ADAMTSL3: variants seen among roughly 807,000 people sequenced by gnomAD.
ADAMTSL3 encodes ADAMTS-like protein 3.
Under a neutral mutation model 201.7 loss-of-function variants are expected in ADAMTSL3, and 128 were observed. The observed-to-expected ratio is 0.63, with a 90% CI of 0.55 to 0.73. The LOEUF is 0.73. Among genes scored for constraint, ADAMTSL3 ranks in the 30% least tolerant of loss-of-function variants. The pLI, the probability that ADAMTSL3 is intolerant of heterozygous loss-of-function variation, is 0.00. For missense variants in ADAMTSL3, 1,990 were observed against 2,119.6 expected (o/e 0.94, Z 1.20); for synonymous variants, 738 against 748.4 (o/e 0.99, Z 0.23).
intron 7 of ADAMTSL3, 137 bp from the exon 8 acceptor site, chr15:83,858,629 T>C: frequency 1.6e-6 from 1 of 635,498 alleles, no homozygotes; most frequent in African/African-American, 1.9e-5. Context: ...TGCCTTGGCC[T>C]CCTGAAGTGC....
At chr15:83,978,859 C>A (rs897414908) in intron 20 of ADAMTSL3, among the ~76,000 whole-genome samples, 1 of 152,250 alleles carries the variant, frequency 6.6e-6, no homozygotes, top group East Asian at 1.9e-4. Context: ...CCACAGGGAG[C>A]AGCTGGGCTT....
intron 2 of ADAMTSL3, among the ~76,000 whole-genome samples, chr15:83,662,317 G>A (rs554404333): frequency 7.5e-4 from 106 of 140,598 alleles, no homozygotes; most frequent in African/African-American, 2.6e-3. Context: ...GTAAACTATC[G>A]CAAGAACAAA....
Position 83,654,591 on chromosome 15 carries a change from C to G in ADAMTSL3, c.-34+315C>G, listed in dbSNP as rs927191390. Among the ~76,000 whole-genome samples the G allele has an allele frequency of 6.6e-6, 1 of 152,134 alleles. No individual in the cohort carries two copies. The highest frequency in any genetic ancestry group is 1.5e-5 in the Non-Finnish European group (1 of 68,036). On this transcript the variant is annotated intron_variant, in intron 1 of 29. Coordinates refer to ENST00000286744, the MANE Select transcript of ADAMTSL3 (RefSeq NM_207517.3). This position sits in a 1 kb window ranked among gnomAD's most constrained non-coding sequence, Gnocchi z 5.3. ...TGGAGTTTTTCAGGATTGGGAGTTA[C>G]TAAGCAGAAACCTCGCGGGTCCGAA...
At chr15:83,672,994 T>TA (rs1212425053) in intron 2 of ADAMTSL3, among the ~76,000 whole-genome samples, 2 of 152,214 alleles carry the variant, frequency 1.3e-5, no homozygotes, top group African/African-American at 2.4e-5. Context: ...GTGGAGCACT[T>TA]ATGCTGCACC....
In ADAMTSL3 at chr15:83,731,728, A is replaced by G. The variant is rs976392312; in HGVS notation, c.189+27220A>G. ...CATATATATAACTATATTATTCTTT[A>G]TGAATTATTATGAATATTATTGAGC... On this transcript the variant is annotated intron_variant, in intron 3 of 29. Transcript: ENST00000286744. Among the ~76,000 whole-genome samples, 5 of 152,052 alleles carry G rather than the reference A, an allele frequency of 3.3e-5. 1 individual carries two copies. Among genetic ancestry groups the G allele is most frequent in the African/African-American group, 1.2e-4 (5 of 41,448 alleles).
chr15:83,762,009 G>A (rs1346455180), intron 3 of ADAMTSL3, among the ~76,000 whole-genome samples: 2 of 152,056 alleles, frequency 1.3e-5, no homozygotes, highest in Admixed American at 6.6e-5. Flanking sequence ...TGCAGGGCCC[G>A]TGGTTTCTTT....
chr15:83,713,077 C>G (rs1458990089), intron 3 of ADAMTSL3, among the ~76,000 whole-genome samples: 1 of 152,284 alleles, frequency 6.6e-6, no homozygotes, highest in East Asian at 1.9e-4. Context: ...GTGGCCTCTT[C>G]TATCAGTGTC....
chr15:83,677,320 A>G (rs1596010894), intron 2 of ADAMTSL3, among the ~76,000 whole-genome samples: 1 of 152,206 alleles, frequency 6.6e-6, no homozygotes, highest in South Asian at 2.1e-4. Flanking sequence ...TAGTTCTTCT[A>G]TAATCTTGCT....
chr15:83,920,571 G>C (rs1041002994), intron 16 of ADAMTSL3, among the ~76,000 whole-genome samples: 11 of 152,114 alleles, frequency 7.2e-5, no homozygotes, highest in Non-Finnish European at 1.5e-4. Context: ...AGTCAAACTA[G>C]CTAACAGCAG....
chr15:83,791,464 G>T (rs1030230658), intron 4 of ADAMTSL3, among the ~76,000 whole-genome samples: 8 of 152,146 alleles, frequency 5.3e-5, no homozygotes, highest in Non-Finnish European at 1.2e-4. Context: ...TTACAAAGGT[G>T]TCAAGAACAC....
chr15:83,714,887 T>TTCCC (rs2061992844), intron 3 of ADAMTSL3, among the ~76,000 whole-genome samples: 1 of 31,134 alleles, frequency 3.2e-5, no homozygotes, highest in Non-Finnish European at 4.9e-5. Flanking sequence ...CCTTCCTTCC[T>TTCCC]TCCTTCCTTC....
chr15:83,838,445 G>A (rs1242133143), intron 7 of ADAMTSL3, among the ~76,000 whole-genome samples: 1 of 152,074 alleles, frequency 6.6e-6, no homozygotes, highest in African/African-American at 2.4e-5. Context: ...GGGTATTACT[G>A]TTTTAAAAAA....
At chr15:83,865,764 A>G (rs1037561941) in intron 8 of ADAMTSL3, among the ~76,000 whole-genome samples, 10 of 152,276 alleles carry the variant, frequency 6.6e-5, no homozygotes, top group African/African-American at 2.2e-4. Context: ...TTGACAAATG[A>G]GATCTAATTA....
chr15:83,752,189 G>A (rs1383952500), intron 3 of ADAMTSL3, among the ~76,000 whole-genome samples: 1 of 152,086 alleles, frequency 6.6e-6, no homozygotes, highest in African/African-American at 2.4e-5. Flanking sequence ...AAGAGAAGAT[G>A]CTCTGTTTGG....
intron 17 of ADAMTSL3, among the ~76,000 whole-genome samples, chr15:83,931,190 C>T (rs970857902): frequency 6.6e-6 from 1 of 152,202 alleles, no homozygotes; most frequent in African/African-American, 2.4e-5. Flanking sequence ...GCCTTCTTCT[C>T]TAACAGGATT....
At chr15:83,681,516 T>C (rs1170038138) in intron 2 of ADAMTSL3, among the ~76,000 whole-genome samples, 4 of 152,192 alleles carry the variant, frequency 2.6e-5, no homozygotes, top group African/African-American at 9.6e-5. Flanking sequence ...AATTCATCTT[T>C]AAGGTGATCA....
chr15:83,714,888 T>C lies in ADAMTSL3; in HGVS notation c.189+10380T>C, dbSNP rs867976252. On this transcript the variant is annotated intron_variant, in intron 3 of 29. Coordinates refer to ENST00000286744, the MANE Select transcript of ADAMTSL3 (RefSeq NM_207517.3). ...TCCCTCCCTCCCTCCCTTCCTTCCT[T>C]CCTTCCTTCCTTCCTTCCTTCCTTC... Among the ~76,000 whole-genome samples, 9 of 27,772 alleles carry C rather than the reference T, an allele frequency of 3.2e-4. No individual in the cohort carries two copies. In the East Asian group the frequency reaches 0.044, roughly 136 times the overall value. The allele number at this position is 27,772 out of a possible 152,430, so 18.2% of individuals were successfully genotyped here.
At chr15:83,705,955 G>T (rs1456547407) in intron 3 of ADAMTSL3, among the ~76,000 whole-genome samples, 1 of 152,178 alleles carries the variant, frequency 6.6e-6, no homozygotes, top group East Asian at 1.9e-4. Context: ...GGGGAGCAGG[G>T]GTGGGCTGGG....
chr15:83,936,618 A>ATGC (rs1278734358), intron 17 of ADAMTSL3, among the ~76,000 whole-genome samples: 1 of 151,000 alleles, frequency 6.6e-6, no homozygotes, highest in Non-Finnish European at 1.5e-5. Context: ...AGATTTCATG[A>ATGC]CAAAGATGCC....
Sources: gnomAD v4.1 joint callset for allele counts (sites outside exome capture counted in the v4.1 genomes callset) on GRCh38, gnomAD v4.1.1 for gene constraint, Gnocchi (gnomAD v3.1) non-coding constraint, MANE v1.5 for transcripts, NCBI Gene and HGNC (gene_info 2026-07-23, HGNC 2026-07-21) for gene names.